The following MSL2 variants were observed in gnomAD, a reference collection of about 807,000 sequenced individuals.
MSL2 encodes the protein E3 ubiquitin-protein ligase MSL2.
A neutral mutation model predicts 35.8 loss-of-function variants in MSL2; 2 were observed. The observed-to-expected ratio is 0.06, with a 90% confidence interval of 0.02 to 0.18. MSL2 has a LOEUF of 0.18. Ranked by LOEUF, MSL2 falls within the 10% of genes least tolerant of loss-of-function variation. The probability of loss-of-function intolerance (pLI) is 1.00; values close to 1 mark genes in which losing one functional copy is unlikely to be tolerated. For missense variants in MSL2, 523 were observed against 706.7 expected (o/e 0.74, Z 2.95); for synonymous variants, 296 against 255.7 (o/e 1.16, Z -1.50).
At chr3:136,191,467 CAA>C (rs11293553) in intron 1 of MSL2, among the ~76,000 whole-genome samples, 28,862 of 123,078 alleles carry the variant, frequency 0.23, 3,110 homozygotes, top group Non-Finnish European at 0.26. Context: ...GAATCCGTCT[CAA>C]AAAAAAAAAA....
rs1398818731 is a variant in MSL2, at chr3:136,190,384, T to C, written c.142+4588A>G. Among the ~76,000 whole-genome samples the C allele has an allele frequency of 2.6e-5, 4 of 152,096 alleles. No individual in the cohort carries two copies. In the East Asian group the frequency reaches 5.8e-4, roughly 22 times the overall value. On this transcript the variant is annotated intron_variant, in intron 1 of 1. Transcript: ENST00000309993. ...AGACAACACAGCAAGGCCACATCTCTACAAAAAAAATTTTTAAATTAGCCA... is the reference window on the plus strand; with the variant it reads ...AGACAACACAGCAAGGCCACATCTCCACAAAAAAAATTTTTAAATTAGCCA...
chr3:136,174,966 G>T (rs1452236390), intron 1 of MSL2, among the ~76,000 whole-genome samples: 1 of 152,076 alleles, frequency 6.6e-6, no homozygotes, highest in East Asian at 1.9e-4. Flanking sequence ...AATTTTCTGG[G>T]AATGTAATAG....
chr3:136,195,863 G>A lies in MSL2; in HGVS notation c.-750C>T, dbSNP rs1298904381. 1.7e-5 allele frequency: 17 copies of A among 972,216 alleles called. No homozygotes were observed. Among genetic ancestry groups the A allele is most frequent in the Admixed American group, 6.2e-5 (1 of 16,132 alleles). 60.2% of individuals were successfully genotyped at this position (972,216 alleles called of 1,614,324 possible). On this transcript the variant is annotated 5_prime_UTR_variant, in exon 1 of 2. Transcript: ENST00000309993. ...AGGAAGTGCGCGGGCCGCCGCCGGC[G>A]GGCGGGAGGGGGCGGGGGGCAAGCC...
At position 136,151,285 on chromosome 3, in the gene MSL2, A is replaced by G. The variant is rs1939357716; in HGVS notation, c.1596T>C (p.Thr532=). The G allele has an allele frequency of 1.2e-6, 2 of 1,614,224 alleles. No individual in the cohort carries two copies. Among genetic ancestry groups the G allele is most frequent in the Admixed American group, 3.3e-5 (2 of 60,030 alleles). Residue 532 remains threonine (T), a synonymous_variant, in exon 2 of 2, where the codon ACT becomes ACC. Transcript: ENST00000309993. This position sits in a 1 kb window ranked among gnomAD's most constrained non-coding sequence, Gnocchi z 5.2. ...QTRLTLGINV[T]SIAVRNASTS... ...TACTAGCGTTACGCACAGCAATGCT[A>G]GTCACGTTAATGCCCAAAGTGAGCC...
At chr3:136,170,691 T>A (rs1940001330) in intron 1 of MSL2, among the ~76,000 whole-genome samples, 1 of 151,726 alleles carries the variant, frequency 6.6e-6, no homozygotes, top group Non-Finnish European at 1.5e-5. Context: ...GTATTTTTAG[T>A]AGAGACATTC....
At chr3:136,184,794 G>A (rs1316502895) in intron 1 of MSL2, among the ~76,000 whole-genome samples, 1 of 144,864 alleles carries the variant, frequency 6.9e-6, no homozygotes, top group African/African-American at 2.7e-5. Context: ...AGGACAAACT[G>A]AGGAGGACAT....
chr3:136,196,067 T>TCACACCG lies in MSL2; in HGVS notation c.-961_-955dup, dbSNP rs886425543. The TCACACCG allele has an allele frequency of 6.4e-6, 1 of 155,902 alleles. No individual in the cohort carries two copies. Among genetic ancestry groups the TCACACCG allele is most frequent in the African/African-American group, 2.4e-5 (1 of 41,078 alleles). The allele number at this position is 155,902 out of a possible 1,614,324, so 9.7% of individuals were successfully genotyped here. A position where few individuals can be genotyped will look rare whatever the true frequency, so the allele number is the denominator to read the frequency against. On this transcript the variant is annotated 5_prime_UTR_variant, in exon 1 of 2. Coordinates refer to ENST00000309993, the MANE Select transcript of MSL2 (RefSeq NM_018133.4). Reference sequence around the variant, plus strand: ...CTCCCCGGCCGCGGAAGGCAAGCGCTCACACCGCCAGGCCCCGCCGCCGCC... The same window carrying TCACACCG: ...CTCCCCGGCCGCGGAAGGCAAGCGCTCACACCGCACACCGCCAGGCCCCGCCGCCGCC...
At chr3:136,170,070 G>A (rs185181299) in intron 1 of MSL2, among the ~76,000 whole-genome samples, 10 of 148,296 alleles carry the variant, frequency 6.7e-5, no homozygotes, top group Non-Finnish European at 1.3e-4. Context: ...TCAGCGGGGC[G>A]GTGGCTCATG....
Position 136,183,715 on chromosome 3 carries a change from C to A in MSL2, c.142+11257G>T, listed in dbSNP as rs150490480. On this transcript the variant is annotated intron_variant, in intron 1 of 1. Coordinates refer to ENST00000309993, the MANE Select transcript of MSL2 (RefSeq NM_018133.4). The stretch of plus-strand genomic sequence containing the variant: ...CCAAAAGGTTTCATAAACCTACCAA[C>A]AGAGCTTCAAAATACATGCAGCAAA... Among the ~76,000 whole-genome samples the A allele has an allele frequency of 6.7e-3, 1,013 of 152,304 alleles. 11 individuals are homozygous for A. The highest frequency in any genetic ancestry group is 0.011 in the Non-Finnish European group (726 of 68,034).
intron 1 of MSL2, among the ~76,000 whole-genome samples, chr3:136,192,675 A>C (rs944947311): frequency 4.6e-5 from 7 of 152,250 alleles, no homozygotes; most frequent in Non-Finnish European, 1.0e-4. Flanking sequence ...CCACAGTTGA[A>C]TAAAAGGATG....
chr3:136,160,329 GGGAA>G (rs1202661604), intron 1 of MSL2, among the ~76,000 whole-genome samples: 1 of 45,472 alleles, frequency 2.2e-5, no homozygotes, highest in African/African-American at 7.4e-5. Flanking sequence ...GAGGGAAGGA[GGGAA>G]GGAAGGAGGG....
intron 1 of MSL2, among the ~76,000 whole-genome samples, chr3:136,186,768 T>C (rs1940535477): frequency 6.6e-6 from 1 of 152,142 alleles, no homozygotes; most frequent in African/African-American, 2.4e-5. Flanking sequence ...TATTACAATG[T>C]AATAATAATA....
intron 1 of MSL2, among the ~76,000 whole-genome samples, chr3:136,167,985 C>G (rs193098940): frequency 6.6e-5 from 10 of 151,986 alleles, no homozygotes; most frequent in African/African-American, 2.4e-4. Flanking sequence ...TACACAGTAC[C>G]TCAATAAAAT....
At chr3:136,159,450 G>A (rs1268374114) in intron 1 of MSL2, among the ~76,000 whole-genome samples, 10 of 127,766 alleles carry the variant, frequency 7.8e-5, no homozygotes, top group African/African-American at 2.6e-4. Flanking sequence ...TGCAAGCTCC[G>A]CCTCTCGGGT....
chr3:136,195,754 C>T lies in MSL2; in HGVS notation c.-641G>A, dbSNP rs1260928383. The T allele has an allele frequency of 1.0e-6, 1 of 985,266 alleles. No individual in the cohort carries two copies. Among genetic ancestry groups the T allele is most frequent in the Non-Finnish European group, 1.2e-6 (1 of 829,866 alleles). The allele number at this position is 985,266 out of a possible 1,614,324, so 61.0% of individuals were successfully genotyped here. On this transcript the variant is annotated 5_prime_UTR_variant, in exon 1 of 2. Transcript: ENST00000309993. ...ACGCGGGGCCCAGACTGCGCCCTGGCTCTCCGCCCCGTGGGTTGCAGCCCG... is the reference window on the plus strand; with the variant it reads ...ACGCGGGGCCCAGACTGCGCCCTGGTTCTCCGCCCCGTGGGTTGCAGCCCG...
chr3:136,195,609 G>GCGGCGA lies in MSL2; in HGVS notation c.-502_-497dup. 1 of 980,748 alleles carries GCGGCGA rather than the reference G, an allele frequency of 1.0e-6. No homozygotes were observed. The highest frequency in any genetic ancestry group is 1.2e-6 in the Non-Finnish European group (1 of 825,348). The allele number at this position is 980,748 out of a possible 1,614,324, so 60.8% of individuals were successfully genotyped here. ...CATCCCAGTACAGGGCGCGGAGGCG[G>GCGGCGA]CGGCGACGGCAAGGACGACGGTCGG... On this transcript the variant is annotated 5_prime_UTR_variant, in exon 1 of 2. Coordinates refer to ENST00000309993, the MANE Select transcript of MSL2 (RefSeq NM_018133.4).
rs1466835869 is a variant in MSL2, at chr3:136,195,925, G to A, written c.-812C>T. The stretch of plus-strand genomic sequence containing the variant: ...CGGCGGCGCCCCTCGCGCCTCAGTC[G>A]CACACTCCGGGGTCACCAGACTCAA... On this transcript the variant is annotated 5_prime_UTR_variant, in exon 1 of 2. Coordinates refer to ENST00000309993, the MANE Select transcript of MSL2 (RefSeq NM_018133.4). 4.2e-5 allele frequency: 26 copies of A among 612,156 alleles called. No individual in the cohort carries two copies. In the Admixed American group the frequency reaches 6.3e-4, roughly 15 times the overall value. 37.9% of individuals were successfully genotyped at this position (612,156 alleles called of 1,614,324 possible). A position where few individuals can be genotyped will look rare whatever the true frequency, so the allele number is the denominator to read the frequency against.
chr3:136,166,103 A>C (rs928696803), intron 1 of MSL2, among the ~76,000 whole-genome samples: 10 of 149,230 alleles, frequency 6.7e-5, no homozygotes, highest in Non-Finnish European at 1.5e-4. Flanking sequence ...AGGAGAAAAA[A>C]CTGGGCCAGG....
At chr3:136,185,371 C>T (rs1940489627) in intron 1 of MSL2, among the ~76,000 whole-genome samples, 1 of 151,502 alleles carries the variant, frequency 6.6e-6, no homozygotes, top group Non-Finnish European at 1.5e-5. Context: ...ACAACCTCAT[C>T]TTACAAATGA....
Sources: allele counts gnomAD v4.1 joint callset (sites outside exome capture counted in the v4.1 genomes callset), GRCh38; gene constraint gnomAD v4.1.1; non-coding constraint Gnocchi (gnomAD v3.1); transcripts MANE v1.5; gene names NCBI Gene and HGNC (gene_info 2026-07-23, HGNC 2026-07-21).